ADGRL2: variants seen among roughly 807,000 people sequenced by gnomAD.
ADGRL2 encodes calcium-independent alpha-latrotoxin receptor 2.
Under a neutral mutation model 157.4 loss-of-function variants are expected in ADGRL2, and 44 were observed. The ratio of observed to expected loss-of-function variants is 0.28; its 90% CI spans 0.22 to 0.36. The LOEUF is 0.36. Ranked by LOEUF, ADGRL2 falls within the 10% of genes least tolerant of loss-of-function variation. The pLI is 1.00. For synonymous variants in ADGRL2, 585 were observed against 624.7 expected (o/e 0.94, Z 0.95); for missense variants, 1,510 against 1,768.9 (o/e 0.85, Z 2.63).
intron 3 of ADGRL2, among the ~76,000 whole-genome samples, chr1:81,681,840 TTGATTTTA>T (rs2083123841): frequency 6.6e-6 from 1 of 152,208 alleles, no homozygotes; most frequent in South Asian, 2.1e-4. Flanking sequence ...CAGTTTCTAT[TTGATTTTA>T]ACACGTCTTT....
At chr1:81,408,593 A>G (rs1332945300) in intron 1 of ADGRL2, among the ~76,000 whole-genome samples, 1 of 152,228 alleles carries the variant, frequency 6.6e-6, no homozygotes, top group African/African-American at 2.4e-5. Context: ...TAGAAGGCAT[A>G]AAAATGTCAG....
chr1:81,538,402 C>A (rs563297982), intron 2 of ADGRL2, among the ~76,000 whole-genome samples: 99 of 152,212 alleles, frequency 6.5e-4, no homozygotes, highest in Non-Finnish European at 1.3e-3. Flanking sequence ...TGCTCTGGCT[C>A]CAGTCATCAT....
chr1:81,555,826 C>A (rs1179409880), intron 2 of ADGRL2, among the ~76,000 whole-genome samples: 1 of 152,028 alleles, frequency 6.6e-6, no homozygotes, highest in Non-Finnish European at 1.5e-5. Flanking sequence ...ATAATACAAG[C>A]AAGCAAAACT....
intron 2 of ADGRL2, among the ~76,000 whole-genome samples, chr1:81,509,941 C>G (rs956704817): frequency 1.3e-5 from 2 of 152,030 alleles, no homozygotes; most frequent in East Asian, 3.9e-4. Context: ...GGGTGACGGA[C>G]GAAGGAAGCG....
rs375241960 is a variant in ADGRL2, at chr1:81,952,087, A to T, written c.1739A>T (p.Gln580Leu). 2 of 1,613,398 alleles carry T rather than the reference A, an allele frequency of 1.2e-6. No individual in the cohort carries two copies. The highest frequency in any genetic ancestry group is 1.7e-6 in the Non-Finnish European group (2 of 1,179,596). ...CAGTTGGTGGACATCCTTGATGCAC[A>T]GCTGCAGGAACTGAAACCTAGTGAA... is the stretch of plus-strand genomic sequence containing the variant. ...MEQLVDILDAQLQELKPSEKD... is the reference protein window; with the variant it reads ...MEQLVDILDALLQELKPSEKD... Residue 580 changes from glutamine to leucine, a missense_variant, in exon 9 of 24, where the codon CAG becomes CTG. Coordinates refer to ENST00000686636, the MANE Select transcript of ADGRL2 (RefSeq NM_001366006.2).
At chr1:81,535,600 G>A (rs2079715979) in intron 2 of ADGRL2, among the ~76,000 whole-genome samples, 2 of 152,114 alleles carry the variant, frequency 1.3e-5, no homozygotes, top group Admixed American at 1.3e-4. Flanking sequence ...AATAATAAGA[G>A]GAAAGCAGCA....
At chr1:81,422,108 G>T (rs2077135487) in intron 1 of ADGRL2, among the ~76,000 whole-genome samples, 2 of 151,502 alleles carry the variant, frequency 1.3e-5, no homozygotes, top group Non-Finnish European at 1.5e-5. Flanking sequence ...AGGAAAAACT[G>T]GTTTACTAAC....
At chr1:81,352,183 C>T (rs147756763) in intron 1 of ADGRL2, among the ~76,000 whole-genome samples, 201 of 152,316 alleles carry the variant, frequency 1.3e-3, no homozygotes, top group African/African-American at 3.4e-3. Flanking sequence ...CTCTTGAGCC[C>T]GGATGCCCAA....
chr1:81,509,904 C>T (rs561156537), intron 2 of ADGRL2, among the ~76,000 whole-genome samples: 15 of 152,246 alleles, frequency 9.9e-5, no homozygotes, highest in Admixed American at 3.9e-4. Context: ...TTAATCCTTG[C>T]GAGTCTGCCC....
chr1:81,342,282 T>G (rs1027830962), intron 1 of ADGRL2, among the ~76,000 whole-genome samples: 16 of 152,320 alleles, frequency 1.1e-4, no homozygotes, highest in Admixed American at 9.2e-4. Flanking sequence ...AGATCCTATA[T>G]TGAGTCCATA....
At chr1:81,895,332 G>A (rs1448492554) in intron 2 of ADGRL2, among the ~76,000 whole-genome samples, 1 of 150,924 alleles carries the variant, frequency 6.6e-6, no homozygotes, top group Non-Finnish European at 1.5e-5. Context: ...AATAAAAATT[G>A]GTAGGGAACT....
chr1:81,976,579 CATTTT>C (rs1204823999), intron 17 of ADGRL2, among the ~76,000 whole-genome samples: 5 of 152,032 alleles, frequency 3.3e-5, no homozygotes, highest in African/African-American at 9.6e-5. Context: ...TAAAACATTC[CATTTT>C]AAGTATGTTA....
At chr1:81,348,181 G>A (rs12731404) in intron 1 of ADGRL2, among the ~76,000 whole-genome samples, 83,775 of 151,908 alleles carry the variant, frequency 0.55, 23,369 homozygotes, top group Middle Eastern at 0.6. Context: ...GCATCACATC[G>A]AAGAGGATTA....
At chr1:81,469,495 G>A (rs1023275236) in intron 2 of ADGRL2, among the ~76,000 whole-genome samples, 1 of 152,036 alleles carries the variant, frequency 6.6e-6, no homozygotes, top group Non-Finnish European at 1.5e-5. Flanking sequence ...AATTACTACA[G>A]ATCAACTGTT....
intron 3 of ADGRL2, among the ~76,000 whole-genome samples, chr1:81,660,460 G>A (rs1320033067): frequency 6.6e-6 from 1 of 152,048 alleles, no homozygotes; most frequent in Admixed American, 6.6e-5. Flanking sequence ...ACCCTTATTA[G>A]TGCTGTCCTG....
chr1:81,946,466 A>T (rs533576296), intron 6 of ADGRL2, among the ~76,000 whole-genome samples: 1 of 151,520 alleles, frequency 6.6e-6, no homozygotes, highest in African/African-American at 2.4e-5. Context: ...TGGCCTTAGG[A>T]AAAACACTTT....
intron 1 of ADGRL2, among the ~76,000 whole-genome samples, chr1:81,805,756 A>C (rs1260724896): frequency 6.6e-6 from 1 of 150,484 alleles, no homozygotes; most frequent in East Asian, 2.0e-4. Context: ...GGCCACATTG[A>C]TGTAATTGCT....
intron 2 of ADGRL2, among the ~76,000 whole-genome samples, chr1:81,564,378 G>A (rs938907932): frequency 6.6e-6 from 1 of 152,168 alleles, no homozygotes; most frequent in African/African-American, 2.4e-5. Flanking sequence ...TGTAGTTATC[G>A]CAAGGTTAGA....
chr1:81,648,014 A>G (rs2082346617), intron 3 of ADGRL2, among the ~76,000 whole-genome samples: 1 of 152,178 alleles, frequency 6.6e-6, no homozygotes, highest in Admixed American at 6.5e-5. Flanking sequence ...ACCTATTTAG[A>G]TGTGGGTCAC....
Sources: gnomAD v4.1 joint callset for allele counts (sites outside exome capture counted in the v4.1 genomes callset) on GRCh38, gnomAD v4.1.1 for gene constraint, MANE v1.5 for transcripts, NCBI Gene and HGNC (gene_info 2026-07-23, HGNC 2026-07-21) for gene names.